The following PTPRD variants were observed in gnomAD, a reference collection of about 807,000 sequenced individuals.
PTPRD encodes receptor-type tyrosine-protein phosphatase delta.
In PTPRD, 34 loss-of-function variants were observed where a neutral mutation model predicts 214.5. The ratio of observed to expected loss-of-function variants is 0.16; its 90% CI spans 0.12 to 0.21. The LOEUF (loss-of-function observed/expected upper bound fraction) is 0.21. Among genes scored for constraint, PTPRD ranks in the 10% least tolerant of loss-of-function variants. The pLI is 1.00. For missense variants in PTPRD, 2,545 were observed against 2,398.7 expected, an observed-to-expected ratio of 1.06 and a Z score of -1.27; for synonymous variants, 1,128 against 845.7, an observed-to-expected ratio of 1.33 and a Z score of -5.79.
At chr9:9,497,252 T>C (rs1485162891) in intron 8 of PTPRD, among the ~76,000 whole-genome samples, 1 of 152,210 alleles carries the variant, frequency 6.6e-6, no homozygotes, top group Non-Finnish European at 1.5e-5. Context: ...GTAACTTTTA[T>C]GTCACGTGTA....
intron 2 of PTPRD, among the ~76,000 whole-genome samples, chr9:10,527,809 T>C (rs1257990448): frequency 6.6e-6 from 1 of 152,164 alleles, no homozygotes; most frequent in African/African-American, 2.4e-5. Flanking sequence ...AATAATTACT[T>C]ATGCATATAA....
chr9:10,452,277 G>C (rs1331370635), intron 2 of PTPRD, among the ~76,000 whole-genome samples: 2 of 151,760 alleles, frequency 1.3e-5, no homozygotes, highest in Non-Finnish European at 3.0e-5. Context: ...GATGCTTCAG[G>C]GAACATGGGG....
chr9:8,574,186 G>C (rs1448981782), intron 14 of PTPRD, among the ~76,000 whole-genome samples: 2 of 151,822 alleles, frequency 1.3e-5, no homozygotes, highest in Non-Finnish European at 1.5e-5. Flanking sequence ...TTCATCTCAA[G>C]AAAAGACTAG....
At chr9:9,181,900 G>C (rs997883486) in intron 10 of PTPRD, among the ~76,000 whole-genome samples, 1 of 152,022 alleles carries the variant, frequency 6.6e-6, no homozygotes, top group African/African-American at 2.4e-5. Flanking sequence ...CAAACAAGTG[G>C]CTTTTAAATG....
At chr9:9,272,599 T>C (rs1943399515) in intron 9 of PTPRD, among the ~76,000 whole-genome samples, 1 of 151,322 alleles carries the variant, frequency 6.6e-6, no homozygotes, top group South Asian at 2.1e-4. Flanking sequence ...AGTGGTCCGT[T>C]GACGAAAAAT....
intron 5 of PTPRD, among the ~76,000 whole-genome samples, chr9:9,936,260 G>T (rs1309524623): frequency 1.3e-5 from 2 of 148,406 alleles, no homozygotes; most frequent in Non-Finnish European, 3.0e-5. Flanking sequence ...CTTCTGCACA[G>T]CAAAAGAAAC....
intron 10 of PTPRD, among the ~76,000 whole-genome samples, chr9:9,081,089 G>T (rs1486082641): frequency 3.3e-5 from 5 of 151,616 alleles, no homozygotes; most frequent in Non-Finnish European, 5.9e-5. Flanking sequence ...GTGATGTTAG[G>T]GTGTTGATTT....
chr9:9,186,405 T>C (rs2099931503), intron 9 of PTPRD, among the ~76,000 whole-genome samples: 1 of 152,042 alleles, frequency 6.6e-6, no homozygotes, highest in South Asian at 2.1e-4. Flanking sequence ...TATTTGTATA[T>C]GTTCATGAAG....
intron 11 of PTPRD, among the ~76,000 whole-genome samples, chr9:8,951,320 C>CTTTT (rs35028756): frequency 1.6e-5 from 2 of 128,400 alleles, no homozygotes; most frequent in Admixed American, 8.1e-5. Flanking sequence ...CTGGATCCTC[C>CTTTT]TTTTTTTTTT....
In PTPRD at chr9:8,896,925, A is replaced by G. The variant is rs974716029; in HGVS notation, c.-104+121772T>C. 3.3e-5 allele frequency among the ~76,000 whole-genome samples: 5 copies of G among 152,224 alleles called. No homozygotes were observed. The East Asian group carries it at 5.8e-4, about 18-fold the overall frequency. On this transcript the variant is annotated intron_variant, in intron 11 of 45. Coordinates refer to ENST00000381196, the MANE Select transcript of PTPRD (RefSeq NM_002839.4). Reference sequence around the variant, plus strand: ...ACCTACAGTTGCTTTGAGATCAAGAAAGAGAACTGTAGATTAGTTCTAATT... The same window carrying G: ...ACCTACAGTTGCTTTGAGATCAAGAGAGAGAACTGTAGATTAGTTCTAATT...
chr9:10,183,886 A>G (rs1165474061), intron 3 of PTPRD, among the ~76,000 whole-genome samples: 3 of 152,254 alleles, frequency 2.0e-5, no homozygotes, highest in Non-Finnish European at 1.5e-5. Context: ...GATAACTATT[A>G]TAATTGTGTT....
At chr9:10,001,424 A>G (rs9987422) in intron 4 of PTPRD, among the ~76,000 whole-genome samples, 21,932 of 152,144 alleles carry the variant, frequency 0.14, 1,864 homozygotes, top group African/African-American at 0.22. Context: ...TTAATAAATT[A>G]TAAGGATAAA....
intron 5 of PTPRD, among the ~76,000 whole-genome samples, chr9:9,858,661 C>T (rs1430481279): frequency 6.6e-6 from 1 of 152,006 alleles, no homozygotes; most frequent in Admixed American, 6.6e-5. Context: ...AAACTTCTGG[C>T]TTACAGGGTT....
intron 11 of PTPRD, among the ~76,000 whole-genome samples, chr9:8,753,610 T>C (rs1421939889): frequency 6.6e-6 from 1 of 152,188 alleles, no homozygotes; most frequent in East Asian, 1.9e-4. Flanking sequence ...TGATAACTAT[T>C]GAAATAAATA....
chr9:9,424,615 G>A (rs1423616294), intron 8 of PTPRD, among the ~76,000 whole-genome samples: 1 of 152,046 alleles, frequency 6.6e-6, no homozygotes, highest in Non-Finnish European at 1.5e-5. Context: ...GGAGAAAAAC[G>A]GTGAAAGGCT....
At chr9:8,844,501 C>A (rs1270470727) in intron 11 of PTPRD, among the ~76,000 whole-genome samples, 1 of 151,882 alleles carries the variant, frequency 6.6e-6, no homozygotes, top group Non-Finnish European at 1.5e-5. Context: ...TTTTTAAAAG[C>A]CTTGAAATAA....
At chr9:9,684,555 T>C (rs760991701) in intron 7 of PTPRD, among the ~76,000 whole-genome samples, 1 of 151,688 alleles carries the variant, frequency 6.6e-6, no homozygotes, top group Non-Finnish European at 1.5e-5. Context: ...TGAGTAATAA[T>C]ATTAATACTT....
chr9:8,481,139 C>CAAA (rs34451513), intron 30 of PTPRD, among the ~76,000 whole-genome samples: 14 of 39,422 alleles, frequency 3.6e-4, no homozygotes, highest in African/African-American at 8.2e-4. Context: ...GACTCCGTCT[C>CAAA]AAAAAAAAAA....
In PTPRD at chr9:9,147,081, C is replaced by T. The variant is rs935300; in HGVS notation, c.-143+36223G>A. On this transcript the variant is annotated intron_variant, in intron 10 of 45. Coordinates refer to ENST00000381196, the MANE Select transcript of PTPRD (RefSeq NM_002839.4). ...ATTGGAATAATAAGTTAGTACATTA[C>T]AAGTATGAGATTAGACCTGTTAAAA... Among the ~76,000 whole-genome samples the T allele has an allele frequency of 3.3e-5, 5 of 151,976 alleles. No individual in the cohort carries two copies. The East Asian group carries it at 5.8e-4, about 18-fold the overall frequency.
Sources: gnomAD v4.1 joint callset for allele counts (sites outside exome capture counted in the v4.1 genomes callset) on GRCh38, gnomAD v4.1.1 for gene constraint, MANE v1.5 for transcripts, NCBI Gene and HGNC (gene_info 2026-07-23, HGNC 2026-07-21) for gene names.